Variants in TNRC6A observed in about 807,000 individuals in gnomAD.
TNRC6A encodes the protein trinucleotide repeat-containing gene 6A protein.
Under a neutral mutation model 221.2 loss-of-function variants are expected in TNRC6A, and 44 were observed. The ratio of observed to expected loss-of-function variants is 0.20; its 90% CI spans 0.16 to 0.26. The LOEUF (loss-of-function observed/expected upper bound fraction) is 0.26, where lower values mean the gene tolerates loss of function less well. Ranked by LOEUF, TNRC6A falls within the 10% of genes least tolerant of loss-of-function variation. The pLI, the probability that TNRC6A is intolerant of heterozygous loss-of-function variation, is 1.00. For missense variants in TNRC6A, 2,199 were observed against 2,404.4 expected, an observed-to-expected ratio of 0.91 and a Z score of 1.79; for synonymous variants, 847 against 838.5, an observed-to-expected ratio of 1.01 and a Z score of -0.18.
At chr16:24,671,656 T>C (rs577747353) in intron 2 of TNRC6A, among the ~76,000 whole-genome samples, 1 of 152,200 alleles carries the variant, frequency 6.6e-6, no homozygotes, top group East Asian at 1.9e-4. Flanking sequence ...GAGGAAACAA[T>C]CACACGAATC....
In TNRC6A at chr16:24,777,242, T is replaced by G. The variant is rs367544720; in HGVS notation, c.473T>G (p.Ile158Arg). 2 of 1,614,218 alleles carry G rather than the reference T, an allele frequency of 1.2e-6. No homozygotes were observed. Among genetic ancestry groups the G allele is most frequent in the Non-Finnish European group, 1.7e-6 (2 of 1,180,046 alleles). The change falls in exon 5 of 25, where the codon ATA becomes AGA. Residue 158 changes from isoleucine (I) to arginine (R), a missense_variant. By Grantham distance (97) the Ile-to-Arg change is moderately conservative (BLOSUM62 -3). Around this residue, in one of 8 missense-constraint regions of TNRC6A, gnomAD observed 1,405 missense variants for 1,400.2 expected, o/e 1.00. Transcript: ENST00000395799. ...AAGAGGGGTCAGCATTTTCCTGTTA[T>G]AGCAGCAAACCTTGGATCTGCTGTT... ...LLKRGQHFPV[I>R]AANLGSAVKV...
In TNRC6A at chr16:24,701,359, CTT is replaced by C. The variant is rs66524700; in HGVS notation, n.403-49360_403-49359del. Among the ~76,000 whole-genome samples the C allele has an allele frequency of 4.1e-5, 6 of 148,038 alleles. No individual in the cohort carries two copies. In the East Asian group the frequency reaches 6.0e-4, roughly 15 times the overall value. ...TTCCCTCTCCCACCCACCTTACTAACTTTTTTTTCTTTTTTTTTTTTTTTGAG... is the reference window on the plus strand; with the variant it reads ...TTCCCTCTCCCACCCACCTTACTAACTTTTTTCTTTTTTTTTTTTTTTGAG... On this transcript the variant is annotated intron_variant and non_coding_transcript_variant, in intron 2 of 2. Coordinates refer to the TNRC6A transcript ENST00000566108.
chr16:24,777,116 AGCCGCAG>A lies in TNRC6A; in HGVS notation c.348_354del (p.Gln116HisfsTer32). The A allele has an allele frequency of 6.3e-7, 1 of 1,597,782 alleles. No homozygotes were observed. The highest frequency in any genetic ancestry group is 8.6e-7 in the Non-Finnish European group (1 of 1,169,122). ...CAGCCACAGCAGCAGCCACAGCCGC[AGCCGCAG>A]CAGCAGCAGCCACAGCAGCAGCCAC... On this transcript the variant is annotated frameshift_variant, in exon 5 of 25. Transcript: ENST00000395799. LOFTEE classifies it high-confidence loss of function.
chr16:24,697,644 C>T (rs1329441046), intron 2 of TNRC6A, among the ~76,000 whole-genome samples: 4 of 152,108 alleles, frequency 2.6e-5, no homozygotes, highest in Admixed American at 2.6e-4. Context: ...AAGATTGCAC[C>T]ACTGTACTCC....
At chr16:24,737,376 C>T (rs2056793977) in intron 2 of TNRC6A, among the ~76,000 whole-genome samples, 1 of 152,042 alleles carries the variant, frequency 6.6e-6, no homozygotes, top group African/African-American at 2.4e-5. Flanking sequence ...AAAAGCCACC[C>T]ATGAAAATAA....
chr16:24,679,324 G>T (rs2055484293), intron 2 of TNRC6A, among the ~76,000 whole-genome samples: 3 of 149,338 alleles, frequency 2.0e-5, no homozygotes, highest in African/African-American at 7.4e-5. Flanking sequence ...TTTCTCTTGA[G>T]ACAGGGTCTC....
At chr16:24,672,238 C>A (rs551249771) in intron 2 of TNRC6A, among the ~76,000 whole-genome samples, 1 of 152,074 alleles carries the variant, frequency 6.6e-6, no homozygotes, top group African/African-American at 2.4e-5. Context: ...TCTGCTGCCT[C>A]AGCCTCCCCA....
At chr16:24,743,607 C>T (rs1381299969) in intron 2 of TNRC6A, among the ~76,000 whole-genome samples, 1 of 152,196 alleles carries the variant, frequency 6.6e-6, no homozygotes, top group East Asian at 1.9e-4. Context: ...AGGCATGAGC[C>T]ACCTGCAGAG....
At chr16:24,733,267 C>T (rs2056686721) in intron 2 of TNRC6A, among the ~76,000 whole-genome samples, 1 of 152,158 alleles carries the variant, frequency 6.6e-6, no homozygotes, top group Admixed American at 6.5e-5. Context: ...TGTAGATCCT[C>T]AATTTGGAAG....
At chr16:24,647,959 A>G (rs1047439019) in intron 2 of TNRC6A, among the ~76,000 whole-genome samples, 1 of 152,166 alleles carries the variant, frequency 6.6e-6, no homozygotes, top group African/African-American at 2.4e-5. Flanking sequence ...TCATATGTGT[A>G]GAACCATACA....
In TNRC6A at chr16:24,779,094, T is replaced by C. The variant is rs189688965; in HGVS notation, c.589+1736T>C. On this transcript the variant is annotated intron_variant, in intron 5 of 24. Transcript: ENST00000395799. ...GAATCTTGCTTCTCAAAAATAACTA[T>C]GAGTCAAAAATATCAAAAGTGTTAC... Among the ~76,000 whole-genome samples, 88 of 152,270 alleles carry C rather than the reference T, an allele frequency of 5.8e-4. 1 individual carries two copies. The highest frequency in any genetic ancestry group is 1.9e-3 in the African/African-American group (81 of 41,550).
At chr16:24,720,885 A>C (rs2056398843) in intron 2 of TNRC6A, among the ~76,000 whole-genome samples, 1 of 142,840 alleles carries the variant, frequency 7.0e-6, no homozygotes, top group Admixed American at 7.0e-5. Flanking sequence ...ACAAACAAAC[A>C]GAAAAAAAAA....
intron 4 of TNRC6A, among the ~76,000 whole-genome samples, chr16:24,763,283 C>T (rs1296476305): frequency 6.6e-6 from 1 of 152,142 alleles, no homozygotes; most frequent in Non-Finnish European, 1.5e-5. Flanking sequence ...TAAAAAAGAA[C>T]CCTTCATTTC....
In TNRC6A at chr16:24,794,771, T is replaced by C. The variant is rs772115344; in HGVS notation, c.3528+52T>C. 4 of 1,546,460 alleles carry C rather than the reference T, an allele frequency of 2.6e-6. No homozygotes were observed. The African/African-American group carries it at 5.5e-5, about 21-fold the overall frequency. On this transcript the variant is annotated intron_variant, in intron 8 of 24. Transcript: ENST00000395799. Reference sequence around the variant, plus strand: ...GAAACTTTAAATTCCAAAGGTAGTTTACCCACAGAAAATTAACTTTTCGCC... The same window carrying C: ...GAAACTTTAAATTCCAAAGGTAGTTCACCCACAGAAAATTAACTTTTCGCC...
chr16:24,687,995 C>T (rs191224045), intron 2 of TNRC6A, among the ~76,000 whole-genome samples: 70 of 141,406 alleles, frequency 5.0e-4, no homozygotes, highest in African/African-American at 1.3e-3. Context: ...TGCAATGGCG[C>T]GATCTCTGCT....
intron 4 of TNRC6A, among the ~76,000 whole-genome samples, chr16:24,774,762 CTG>C (rs1218459015): frequency 2.0e-5 from 3 of 152,136 alleles, no homozygotes; most frequent in African/African-American, 7.2e-5. Flanking sequence ...CCCTTGGTAT[CTG>C]TGATGCATTG....
chr16:24,796,040 G>A, intron 9 of TNRC6A, 101 bp downstream of exon 9: 2 of 1,324,098 alleles, frequency 1.5e-6, no homozygotes, highest in East Asian at 2.3e-5. Context: ...GCCAGGTACT[G>A]TGCTTGGTGC....
intron 7 of TNRC6A, 133 bp from the exon 8 acceptor site, chr16:24,794,411 T>C (rs2058175535): frequency 3.8e-6 from 3 of 793,656 alleles, no homozygotes; most frequent in Middle Eastern, 6.3e-4. Flanking sequence ...TCTGTGCAGA[T>C]GCAGGAAGGG....
intron 2 of TNRC6A, among the ~76,000 whole-genome samples, chr16:24,645,778 A>C (rs897476915): frequency 7.7e-5 from 11 of 142,374 alleles, no homozygotes; most frequent in Non-Finnish European, 1.2e-4. Flanking sequence ...GGGGAAGATC[A>C]CTTGAGCTCA....
Sources: allele counts gnomAD v4.1 joint callset (sites outside exome capture counted in the v4.1 genomes callset), GRCh38; gene constraint gnomAD v4.1.1; regional missense constraint gnomAD v4.1.1; transcripts MANE v1.5; gene names NCBI Gene and HGNC (gene_info 2026-07-23, HGNC 2026-07-21).